The following CNTNAP5 variants were observed in gnomAD, a reference collection of about 807,000 sequenced individuals.
CNTNAP5 encodes contactin associated protein family member 5.
In CNTNAP5, 72 loss-of-function variants were observed where a neutral mutation model predicts 150.2. The observed-to-expected ratio is 0.48, with a 90% confidence interval of 0.40 to 0.58. The LOEUF is 0.58. CNTNAP5 is among the 20% of genes least tolerant of loss of function. The pLI is 0.00. For missense variants in CNTNAP5, 1,636 were observed against 1,626.2 expected (o/e 1.01, Z -0.10); for synonymous variants, 672 against 619.8 (o/e 1.08, Z -1.25).
At chr2:124,223,347 G>A (rs1382451089) in intron 2 of CNTNAP5, among the ~76,000 whole-genome samples, 4 of 152,136 alleles carry the variant, frequency 2.6e-5, no homozygotes, top group Admixed American at 2.6e-4. Context: ...CTCTGACTGT[G>A]CACAAGTCAC....
At chr2:124,649,784 A>C (rs1678281295) in intron 13 of CNTNAP5, among the ~76,000 whole-genome samples, 1 of 152,196 alleles carries the variant, frequency 6.6e-6, no homozygotes, top group Non-Finnish European at 1.5e-5. Flanking sequence ...TGAGGATGGA[A>C]GAAAAAATTT....
chr2:124,917,096 C>T lies in CNTNAP5; in HGVS notation c.*2808C>T, dbSNP rs1678784418. Among the ~76,000 whole-genome samples, 2 of 151,948 alleles carry T rather than the reference C, an allele frequency of 1.3e-5. No homozygotes were observed. The highest frequency in any genetic ancestry group is 2.4e-5 in the African/African-American group (1 of 41,416). On this transcript the variant is annotated 3_prime_UTR_variant, in exon 24 of 24. Transcript: ENST00000682447. ...ATCATCTCGAAGGAGACTTTGAAAG[C>T]ATCTTAATCTCTCTTTAACCATTTT...
chr2:124,792,776 T>C (rs372617762), intron 18 of CNTNAP5, among the ~76,000 whole-genome samples: 65 of 152,302 alleles, frequency 4.3e-4, no homozygotes, highest in Middle Eastern at 3.4e-3. Context: ...TAGAACCATA[T>C]AGTATGTGAT....
At chr2:124,185,657 A>G (rs1167098685) in intron 1 of CNTNAP5, among the ~76,000 whole-genome samples, 5 of 152,150 alleles carry the variant, frequency 3.3e-5, no homozygotes, top group Admixed American at 6.5e-5. Context: ...CAGCCACACT[A>G]AAGAAGAGCG....
At chr2:124,194,725 C>T (rs939729827) in intron 1 of CNTNAP5, among the ~76,000 whole-genome samples, 1 of 150,160 alleles carries the variant, frequency 6.7e-6, no homozygotes, top group Non-Finnish European at 1.5e-5. Flanking sequence ...TTATATATAA[C>T]CTTATATATT....
chr2:124,533,065 A>AC (rs200609673), intron 10 of CNTNAP5, among the ~76,000 whole-genome samples: 1,668 of 149,796 alleles, frequency 0.011, 29 homozygotes, highest in African/African-American at 0.038. Flanking sequence ...CTGCTTTGTG[A>AC]CCCCCCTTGG....
rs183939890 is a variant in CNTNAP5, at chr2:124,134,118, A to T, written c.83-87587A>T. ...ATTTTGTAGATGTGTGTGGGACCCA[A>T]TTCTGGTGTCACTCATTTGTAAAGG... is the stretch of plus-strand genomic sequence containing the variant. On this transcript the variant is annotated intron_variant, in intron 1 of 23. Coordinates refer to ENST00000682447, the MANE Select transcript of CNTNAP5 (RefSeq NM_001367498.1). Among the ~76,000 whole-genome samples the T allele has an allele frequency of 1.1e-4, 17 of 152,246 alleles. No individual in the cohort carries two copies. The East Asian group carries it at 3.3e-3, about 29-fold the overall frequency.
At chr2:124,241,229 T>G (rs747294323) in intron 2 of CNTNAP5, among the ~76,000 whole-genome samples, 19 of 152,168 alleles carry the variant, frequency 1.2e-4, no homozygotes, top group Admixed American at 3.9e-4. Context: ...GAACTCACAT[T>G]GATCTTCTGC....
At chr2:124,839,968 T>TA (rs1442192595) in intron 19 of CNTNAP5, among the ~76,000 whole-genome samples, 2 of 152,154 alleles carry the variant, frequency 1.3e-5, no homozygotes, top group Non-Finnish European at 2.9e-5. Flanking sequence ...TGTGACAAGG[T>TA]AAAAAAGTGA....
rs368913883 is a variant in CNTNAP5 at position 124,909,826 on chromosome 2, CATATATATATATATATAT to C, written c.3656-1626_3656-1609del. On this transcript the variant is annotated intron_variant, in intron 22 of 23. Coordinates refer to ENST00000682447, the MANE Select transcript of CNTNAP5 (RefSeq NM_001367498.1). ...TCACCCCATCGTTATCAATTGGTGA[CATATATATATATATATAT>C]ATATATATATATATGTTCTTCTCCA... Among the ~76,000 whole-genome samples the C allele has an allele frequency of 7.0e-4, 52 of 74,626 alleles. 2 individuals carry two copies. The highest frequency in any genetic ancestry group is 2.2e-3 in the African/African-American group (40 of 18,412). The allele number at this position is 74,626 out of a possible 152,430, so 49.0% of individuals were successfully genotyped here.
At chr2:124,571,392 T>G (rs1040168072) in intron 11 of CNTNAP5, among the ~76,000 whole-genome samples, 19 of 151,608 alleles carry the variant, frequency 1.3e-4, no homozygotes, top group African/African-American at 4.6e-4. Context: ...CAAGAAGGAA[T>G]GATAGCCAAA....
intron 3 of CNTNAP5, among the ~76,000 whole-genome samples, chr2:124,382,196 G>T (rs1253232148): frequency 1.3e-5 from 2 of 152,252 alleles, no homozygotes; most frequent in African/African-American, 4.8e-5. Flanking sequence ...GGCCCTTCCT[G>T]CTAGAATGAG....
intron 3 of CNTNAP5, among the ~76,000 whole-genome samples, chr2:124,352,115 A>G (rs1689886050): frequency 1.3e-5 from 2 of 151,906 alleles, no homozygotes; most frequent in African/African-American, 4.8e-5. Flanking sequence ...GGGTACACAA[A>G]CAGGACAGGC....
At chr2:124,069,659 G>T (rs529981563) in intron 1 of CNTNAP5, among the ~76,000 whole-genome samples, 3 of 152,230 alleles carry the variant, frequency 2.0e-5, no homozygotes, top group African/African-American at 4.8e-5. Flanking sequence ...CATGCTATTT[G>T]TTTAGGAGAA....
At chr2:124,414,722 C>G (rs78105092) in intron 3 of CNTNAP5, among the ~76,000 whole-genome samples, 1 of 149,642 alleles carries the variant, frequency 6.7e-6, no homozygotes, top group African/African-American at 2.5e-5. Context: ...TGTGTGTGTG[C>G]GTGTGTGTGT....
intron 1 of CNTNAP5, among the ~76,000 whole-genome samples, chr2:124,146,597 A>G (rs1684259478): frequency 6.6e-6 from 1 of 152,136 alleles, no homozygotes; most frequent in Non-Finnish European, 1.5e-5. Context: ...TGGGGATCTT[A>G]TGAAGCTGTT....
intron 3 of CNTNAP5, among the ~76,000 whole-genome samples, chr2:124,289,679 A>C (rs1385848016): frequency 1.3e-5 from 2 of 152,204 alleles, no homozygotes; most frequent in African/African-American, 4.8e-5. Context: ...AATCCTGTGA[A>C]ATAGATATAT....
intron 1 of CNTNAP5, among the ~76,000 whole-genome samples, chr2:124,028,463 G>A (rs1028523789): frequency 1.3e-5 from 2 of 152,006 alleles, no homozygotes; most frequent in African/African-American, 2.4e-5. Flanking sequence ...GGTTAGAAGG[G>A]CCAGCTTCAG....
At chr2:124,576,176 A>G (rs1377207320) in intron 11 of CNTNAP5, among the ~76,000 whole-genome samples, 1 of 152,104 alleles carries the variant, frequency 6.6e-6, no homozygotes, top group Non-Finnish European at 1.5e-5. Context: ...ATCTATATAT[A>G]TGTGCAGAAA....
Sources: allele counts gnomAD v4.1 joint callset (sites outside exome capture counted in the v4.1 genomes callset), GRCh38; gene constraint gnomAD v4.1.1; transcripts MANE v1.5; gene names NCBI Gene and HGNC (gene_info 2026-07-23, HGNC 2026-07-21).